SOCS5: variants seen among roughly 807,000 people sequenced by gnomAD.
SOCS5 encodes CIS-6.
A neutral mutation model predicts 42.8 loss-of-function variants in SOCS5; 32 were observed. The ratio of observed to expected loss-of-function variants is 0.75; its 90% CI spans 0.56 to 1.01. The LOEUF (loss-of-function observed/expected upper bound fraction) is 1.01. SOCS5 is among the 50% of genes least tolerant of loss of function. SOCS5 has a pLI of 0.00. For missense variants in SOCS5, 627 were observed against 653.0 expected (o/e 0.96, Z 0.43); for synonymous variants, 283 against 229.6 (o/e 1.23, Z -2.10).
chr2:46,708,880 C>CTTTTTTTT (rs145238668), intron 1 of SOCS5, among the ~76,000 whole-genome samples: 1 of 63,252 alleles, frequency 1.6e-5, no homozygotes, highest in Admixed American at 2.1e-4. Flanking sequence ...ATCCTGAAGC[C>CTTTTTTTT]TTTTTTTTTT....
chr2:46,741,983 A>G (rs1247837004), intron 1 of SOCS5, among the ~76,000 whole-genome samples: 1 of 152,196 alleles, frequency 6.6e-6, no homozygotes, highest in Non-Finnish European at 1.5e-5. Context: ...CTGAAACGTC[A>G]TGTGGATCTA....
chr2:46,727,121 G>A (rs1673014532), intron 1 of SOCS5, among the ~76,000 whole-genome samples: 1 of 145,410 alleles, frequency 6.9e-6, no homozygotes, highest in South Asian at 2.2e-4. Context: ...TGTTTCAAGA[G>A]TGTTTTCCCT....
intron 1 of SOCS5, among the ~76,000 whole-genome samples, chr2:46,707,972 A>G (rs1672535136): frequency 1.3e-5 from 2 of 152,238 alleles, no homozygotes; most frequent in African/African-American, 4.8e-5. Flanking sequence ...AAAGTGTTGA[A>G]TATCTTATAT....
At position 46,717,579 on chromosome 2, in the gene SOCS5, T is replaced by A. The variant is rs550033626; in HGVS notation, c.-13+18130T>A. 2.6e-5 allele frequency among the ~76,000 whole-genome samples: 4 copies of A among 152,334 alleles called. No individual in the cohort carries two copies. The South Asian group carries it at 8.3e-4, about 32-fold the overall frequency. On this transcript the variant is annotated intron_variant, in intron 1 of 1. Coordinates refer to ENST00000394861, the MANE Select transcript of SOCS5 (RefSeq NM_144949.3). ...CATCATTTCGTAATCTTCCGGTTTA[T>A]ATTATTTCTGATGAGAAGTCAGTGG... is the stretch of plus-strand genomic sequence containing the variant.
At chr2:46,733,151 G>A (rs1050351085) in intron 1 of SOCS5, among the ~76,000 whole-genome samples, 1 of 151,928 alleles carries the variant, frequency 6.6e-6, no homozygotes, top group Non-Finnish European at 1.5e-5. Context: ...CTGGAGTGCA[G>A]TGGCGCGATC....
chr2:46,711,048 G>GA (rs983316900), intron 1 of SOCS5, among the ~76,000 whole-genome samples: 3 of 152,128 alleles, frequency 2.0e-5, no homozygotes, highest in African/African-American at 7.2e-5. Context: ...TCCATTATAT[G>GA]AATATTATTA....
At chr2:46,704,387 A>G (rs898665464) in intron 1 of SOCS5, among the ~76,000 whole-genome samples, 1 of 152,214 alleles carries the variant, frequency 6.6e-6, no homozygotes, top group African/African-American at 2.4e-5. Flanking sequence ...TGAGAACTCC[A>G]ATGATGGAAT....
intron 1 of SOCS5, among the ~76,000 whole-genome samples, chr2:46,731,080 G>C (rs1452482393): frequency 2.0e-5 from 3 of 152,138 alleles, no homozygotes; most frequent in Non-Finnish European, 4.4e-5. Context: ...CCATCTGCTG[G>C]ATACTCTTCA....
At chr2:46,724,792 CT>C (rs976678751) in intron 1 of SOCS5, among the ~76,000 whole-genome samples, 1 of 151,780 alleles carries the variant, frequency 6.6e-6, no homozygotes, top group African/African-American at 2.4e-5. Flanking sequence ...TGTGATCTGT[CT>C]TGGTGAACAT....
At chr2:46,726,810 G>T (rs2103720639) in intron 1 of SOCS5, among the ~76,000 whole-genome samples, 1 of 151,408 alleles carries the variant, frequency 6.6e-6, no homozygotes, top group South Asian at 2.1e-4. Flanking sequence ...AGGCTGGAGT[G>T]CAATGGCGCG....
At chr2:46,711,167 A>C (rs1672612676) in intron 1 of SOCS5, among the ~76,000 whole-genome samples, 1 of 152,212 alleles carries the variant, frequency 6.6e-6, no homozygotes, top group African/African-American at 2.4e-5. Context: ...GGGTCAATAC[A>C]TGAAGTGGAA....
chr2:46,703,344 A>G (rs933850745), intron 1 of SOCS5, among the ~76,000 whole-genome samples: 2 of 144,034 alleles, frequency 1.4e-5, no homozygotes, highest in Admixed American at 7.2e-5. Flanking sequence ...AGCCATCACA[A>G]GTTTTCACAG....
intron 1 of SOCS5, among the ~76,000 whole-genome samples, chr2:46,753,766 G>A (rs1165876139): frequency 1.3e-5 from 2 of 152,048 alleles, no homozygotes; most frequent in Non-Finnish European, 2.9e-5. Flanking sequence ...AAAGGGGTGG[G>A]CAATTCCTGG....
chr2:46,707,797 G>T (rs41413046), intron 1 of SOCS5, among the ~76,000 whole-genome samples: 21,728 of 152,094 alleles, frequency 0.14, 2,138 homozygotes, highest in East Asian at 0.42. Flanking sequence ...GGTTAGTCCT[G>T]ATAAACCCAT....
At chr2:46,719,033 A>G (rs983845370) in intron 1 of SOCS5, among the ~76,000 whole-genome samples, 1 of 152,208 alleles carries the variant, frequency 6.6e-6, no homozygotes, top group African/African-American at 2.4e-5. Flanking sequence ...GGAAGCCTCA[A>G]ATGATTAGGT....
chr2:46,714,675 T>G (rs1248896362), intron 1 of SOCS5, among the ~76,000 whole-genome samples: 22 of 152,270 alleles, frequency 1.4e-4, no homozygotes, highest in Non-Finnish European at 2.9e-4. Context: ...GTAAATAAAA[T>G]TTTATTGGAA....
intron 1 of SOCS5, among the ~76,000 whole-genome samples, chr2:46,729,578 G>C (rs1259636918): frequency 2.6e-5 from 4 of 152,114 alleles, no homozygotes; most frequent in Admixed American, 2.6e-4. Context: ...TATACACAAA[G>C]GGTACAGTAA....
chr2:46,717,176 C>T (rs1672766283), intron 1 of SOCS5, among the ~76,000 whole-genome samples: 1 of 152,124 alleles, frequency 6.6e-6, no homozygotes, highest in Non-Finnish European at 1.5e-5. Context: ...TGGTTCGATG[C>T]CCTGCAAATT....
intron 1 of SOCS5, among the ~76,000 whole-genome samples, chr2:46,712,133 T>C (rs1043615034): frequency 6.6e-6 from 1 of 152,190 alleles, no homozygotes; most frequent in Non-Finnish European, 1.5e-5. Context: ...TTTATTAGGG[T>C]TGCATTTGAA....
Sources: allele counts gnomAD v4.1 joint callset (sites outside exome capture counted in the v4.1 genomes callset), GRCh38; gene constraint gnomAD v4.1.1; transcripts MANE v1.5; gene names NCBI Gene and HGNC (gene_info 2026-07-23, HGNC 2026-07-21).